Variants in RPIA observed in about 807,000 individuals in gnomAD.
The protein encoded by RPIA is ribose 5-phosphate isomerase A.
In RPIA, 29 loss-of-function variants were observed where a neutral mutation model predicts 37.8. The ratio of observed to expected loss-of-function variants is 0.77; its 90% CI spans 0.57 to 1.05. The LOEUF (loss-of-function observed/expected upper bound fraction) is 1.05, where lower values mean the gene tolerates loss of function less well. RPIA is among the 50% of genes least tolerant of loss of function. The probability of loss-of-function intolerance (pLI) is 0.00; values close to 1 mark genes in which losing one functional copy is unlikely to be tolerated. For synonymous variants in RPIA, 167 were observed against 157.0 expected, an observed-to-expected ratio of 1.06 and a Z score of -0.48; for missense variants, 385 against 413.6, an observed-to-expected ratio of 0.93 and a Z score of 0.60.
intron 1 of RPIA, among the ~76,000 whole-genome samples, chr2:88,692,230 C>T (rs903063510): frequency 6.6e-6 from 1 of 152,206 alleles, no homozygotes; most frequent in African/African-American, 2.4e-5. Context: ...CCTTGTCCAG[C>T]TGGAACAGTT....
chr2:88,702,623 C>T (rs1045016755), intron 3 of RPIA, among the ~76,000 whole-genome samples: 4 of 152,204 alleles, frequency 2.6e-5, no homozygotes, highest in African/African-American at 9.7e-5. Context: ...TCAATTATCT[C>T]CCACCAGGTC....
At chr2:88,708,754 ATTTTT>A (rs59981047) in intron 3 of RPIA, among the ~76,000 whole-genome samples, 1 of 128,146 alleles carries the variant, frequency 7.8e-6, no homozygotes, top group Admixed American at 7.8e-5. Context: ...TGCCAAATGG[ATTTTT>A]TTTTTTTTTT....
At chr2:88,725,184 G>C (rs59209993) in intron 3 of RPIA, among the ~76,000 whole-genome samples, 1 of 152,296 alleles carries the variant, frequency 6.6e-6, no homozygotes, top group East Asian at 1.9e-4. Flanking sequence ...TTCCCTGTTA[G>C]AAGCTTCTGG....
chr2:88,693,279 C>A (rs1271018111), intron 1 of RPIA, among the ~76,000 whole-genome samples: 1 of 152,172 alleles, frequency 6.6e-6, no homozygotes, highest in Non-Finnish European at 1.5e-5. Flanking sequence ...GTGTTATAGT[C>A]ATGTATTTGA....
intron 3 of RPIA, among the ~76,000 whole-genome samples, chr2:88,721,366 TA>T (rs886448199): frequency 1.3e-5 from 2 of 150,230 alleles, no homozygotes; most frequent in Admixed American, 6.7e-5. Flanking sequence ...AAGTATAATT[TA>T]AAAAAAAGAA....
At chr2:88,698,127 T>G (rs1390360705) in intron 1 of RPIA, among the ~76,000 whole-genome samples, 4 of 151,564 alleles carry the variant, frequency 2.6e-5, no homozygotes, top group Non-Finnish European at 5.9e-5. Flanking sequence ...GCTTGAAATG[T>G]CAGGAATCTT....
At chr2:88,728,110 A>G (rs1673220478) in intron 3 of RPIA, among the ~76,000 whole-genome samples, 1 of 152,204 alleles carries the variant, frequency 6.6e-6, no homozygotes, top group African/African-American at 2.4e-5. Context: ...TCTCTGGAAA[A>G]TGGGGAGTCT....
At chr2:88,746,625 G>C (rs1056094774) in intron 8 of RPIA, among the ~76,000 whole-genome samples, 1 of 152,194 alleles carries the variant, frequency 6.6e-6, no homozygotes, top group Non-Finnish European at 1.5e-5. Context: ...TTAGGTCCCC[G>C]AGCTGTGGAT....
rs1446632102 is a variant in RPIA, at chr2:88,741,193, CTT to C, written c.838+3120_838+3121del. 4.6e-5 allele frequency among the ~76,000 whole-genome samples: 7 copies of C among 152,288 alleles called. No homozygotes were observed. In the East Asian group the frequency reaches 1.4e-3, roughly 29 times the overall value. On this transcript the variant is annotated intron_variant, in intron 8 of 8. Transcript: ENST00000283646. ...GCGTACACTGTACCCAATGCATAGT[CTT>C]TTCTCCCTTGTCCCACTCTCACCCT...
At chr2:88,698,794 GAGCTGACTT>G (rs1364306998) in intron 2 of RPIA, among the ~76,000 whole-genome samples, 1 of 152,172 alleles carries the variant, frequency 6.6e-6, no homozygotes, top group Non-Finnish European at 1.5e-5. Context: ...TGGAGGGGAG[GAGCTGACTT>G]AGCTTGAGGT....
intron 8 of RPIA, among the ~76,000 whole-genome samples, 159 bp downstream of exon 8, chr2:88,738,235 C>A (rs554521901): frequency 7.9e-5 from 12 of 152,348 alleles, no homozygotes; most frequent in African/African-American, 2.2e-4. Flanking sequence ...ACTTCACCTC[C>A]TTTGCCGTAT....
At chr2:88,705,657 G>T (rs1672889130) in intron 3 of RPIA, among the ~76,000 whole-genome samples, 1 of 152,188 alleles carries the variant, frequency 6.6e-6, no homozygotes, top group African/African-American at 2.4e-5. Flanking sequence ...CACAGGCAAT[G>T]ATTTCATGAC....
At position 88,698,481 on chromosome 2, in the gene RPIA, C is replaced by T. The variant is rs1672786939; in HGVS notation, c.286-3C>T. The T allele has an allele frequency of 1.2e-6, 2 of 1,613,826 alleles. No homozygotes were observed. The highest frequency in any genetic ancestry group is 4.5e-5 in the East Asian group (2 of 44,882). The stretch of plus-strand genomic sequence containing the variant: ...TTGTTTTTTCTTCCCCGTTTTTTGG[C>T]AGAATAACCAAGTGCTGGGAATTGG... On this transcript the variant is annotated splice_polypyrimidine_tract_variant and splice_region_variant and intron_variant, in intron 1 of 8. Coordinates refer to ENST00000283646, the MANE Select transcript of RPIA (RefSeq NM_144563.3).
At position 88,714,419 on chromosome 2, in the gene RPIA, G is replaced by A. The variant is rs952910999; in HGVS notation, c.402+14355G>A. 3.4e-4 allele frequency among the ~76,000 whole-genome samples: 51 copies of A among 152,094 alleles called. 1 individual carries two copies. The highest frequency in any genetic ancestry group is 3.0e-3 in the Admixed American group (46 of 15,268). On this transcript the variant is annotated intron_variant, in intron 3 of 8. Coordinates refer to ENST00000283646, the MANE Select transcript of RPIA (RefSeq NM_144563.3). ...ACTCCTGGCCTCAAGTGATCTGCCC[G>A]CCTTGGCTTCCCAAAATGCTGGGAT...
intron 3 of RPIA, among the ~76,000 whole-genome samples, chr2:88,714,822 C>T (rs562312576): frequency 6.6e-5 from 10 of 152,310 alleles, no homozygotes; most frequent in Admixed American, 5.2e-4. Context: ...TGTTTGTCAG[C>T]CACCGAGTTC....
At chr2:88,713,384 G>T (rs1454599528) in intron 3 of RPIA, among the ~76,000 whole-genome samples, 1 of 151,806 alleles carries the variant, frequency 6.6e-6, no homozygotes, top group Non-Finnish European at 1.5e-5. Flanking sequence ...AGAGCACTAT[G>T]TTAAATACTT....
At chr2:88,744,530 T>G (rs1673419637) in intron 8 of RPIA, among the ~76,000 whole-genome samples, 1 of 152,246 alleles carries the variant, frequency 6.6e-6, no homozygotes, top group African/African-American at 2.4e-5. Flanking sequence ...GAGTATAGTT[T>G]AATTTCATTG....
chr2:88,747,821 G>A (rs1271116177), intron 8 of RPIA, among the ~76,000 whole-genome samples: 19 of 152,286 alleles, frequency 1.2e-4, no homozygotes, highest in African/African-American at 3.9e-4. Flanking sequence ...TTTTTTGGCT[G>A]TCTTATGGAG....
intron 1 of RPIA, 129 bp from the exon 2 acceptor site, chr2:88,698,355 A>G: frequency 1.2e-6 from 1 of 812,146 alleles, no homozygotes; most frequent in Non-Finnish European, 2.2e-6. Context: ...AAATAGGCAC[A>G]GTACCTGTCT....
Sources: allele counts gnomAD v4.1 joint callset (sites outside exome capture counted in the v4.1 genomes callset), GRCh38; gene constraint gnomAD v4.1.1; transcripts MANE v1.5; gene names NCBI Gene and HGNC (gene_info 2026-07-23, HGNC 2026-07-21).